Variants in SHPRH observed in about 807,000 individuals in gnomAD.
The protein encoded by SHPRH is SNF2 histone linker PHD RING helicase.
A neutral mutation model predicts 202.5 loss-of-function variants in SHPRH; 106 were observed. The ratio of observed to expected loss-of-function variants is 0.52; its 90% CI spans 0.45 to 0.62. The LOEUF (loss-of-function observed/expected upper bound fraction) is 0.62, where lower values mean the gene tolerates loss of function less well. Among genes scored for constraint, SHPRH ranks in the 20% least tolerant of loss-of-function variants. SHPRH has a pLI of 0.00. For synonymous variants in SHPRH, 729 were observed against 686.0 expected (o/e 1.06, Z -0.98); for missense variants, 1,710 against 2,020.0 (o/e 0.85, Z 2.94).
chr6:145,882,378 G>A (rs1300282733), downstream of SHPRH, among the ~76,000 whole-genome samples: 1 of 152,114 alleles, frequency 6.6e-6, no homozygotes, highest in Non-Finnish European at 1.5e-5. Context: ...ATGGTCAGTT[G>A]CAGAATATAA....
At chr6:145,919,590 T>C (rs1343175045) in intron 21 of SHPRH, 99 bp from the exon 22 acceptor site, 6 of 1,396,618 alleles carry the variant, frequency 4.3e-6, no homozygotes, top group Non-Finnish European at 5.8e-6. Context: ...CAATGAGATC[T>C]TACACTTTTT....
intron 1 of SHPRH, among the ~76,000 whole-genome samples, chr6:145,957,816 CCT>C: frequency 6.6e-6 from 1 of 152,198 alleles, no homozygotes. Context: ...CCTAGTAATC[CCT>C]CTCTTAGGTA....
rs560158671 is a variant in SHPRH at position 145,959,410 on chromosome 6, C to T, written c.-32-4056G>A. Among the ~76,000 whole-genome samples the T allele has an allele frequency of 5.9e-5, 9 of 152,130 alleles. 1 individual carries two copies. In the South Asian group the frequency reaches 8.3e-4, roughly 14 times the overall value. ...GACAACTGCCTACAGTATCCAGTAC[C>T]GAATATACTGTACAGGTTTGTAGCC... On this transcript the variant is annotated intron_variant, in intron 1 of 29. Coordinates refer to ENST00000275233, the MANE Select transcript of SHPRH (RefSeq NM_001042683.3).
At chr6:145,950,594 G>T in intron 3 of SHPRH, 112 bp from the exon 4 acceptor site, 1 of 898,722 alleles carries the variant, frequency 1.1e-6, no homozygotes, top group Non-Finnish European at 1.7e-6. Flanking sequence ...GCCTTGCTCA[G>T]TGTGTTTTGT....
chr6:145,922,438 T>G, intron 19 of SHPRH, 90 bp from the exon 20 acceptor site: 1 of 1,407,692 alleles, frequency 7.1e-7, no homozygotes, highest in Non-Finnish European at 9.6e-7. Flanking sequence ...GACTTCATTT[T>G]TCTTTCCACT....
chr6:145,916,840 T>C (rs1047754868), intron 23 of SHPRH, among the ~76,000 whole-genome samples: 39 of 152,092 alleles, frequency 2.6e-4, no homozygotes, highest in African/African-American at 9.2e-4. Context: ...TGGAGTGCAA[T>C]GGCGCAATCT....
At position 145,955,484 on chromosome 6, in the gene SHPRH, C is replaced by T. The variant is rs573201950; in HGVS notation, c.-32-130G>A. On this transcript the variant is annotated intron_variant, in intron 1 of 29. Transcript: ENST00000275233. ...ATGAAATCTTCTGTGAGATATAAGG[C>T]AATGAGTAATTTTTTTACCAGGTCA... 4.8e-6 allele frequency: 4 copies of T among 831,350 alleles called. No homozygotes were observed. The Admixed American group carries it at 9.8e-5, about 20-fold the overall frequency. The allele number at this position is 831,350 out of a possible 1,614,324, so 51.5% of individuals were successfully genotyped here.
rs1042046848 is a variant in SHPRH at position 145,868,516 on chromosome 6, T to C, written c.222-4025A>G. ...GGGTAGAATTAACTTTTGTTGAATG[T>C]TATTTTTTATTAGGAAGTTTTAATA... is the stretch of plus-strand genomic sequence containing the variant. On this transcript the variant is annotated intron_variant, in intron 2 of 2. Coordinates refer to the SHPRH transcript ENST00000417762. Among the ~76,000 whole-genome samples the C allele has an allele frequency of 2.0e-5, 3 of 152,228 alleles. No individual in the cohort carries two copies. The East Asian group carries it at 5.8e-4, about 29-fold the overall frequency.
chr6:145,959,381 G>C (rs1412789835), intron 1 of SHPRH, among the ~76,000 whole-genome samples: 2 of 152,034 alleles, frequency 1.3e-5, no homozygotes, highest in Non-Finnish European at 2.9e-5. Flanking sequence ...AAATACTACG[G>C]TGTGACAACT....
intron 2 of SHPRH, chr6:145,870,849 T>G (rs1220690804): frequency 6.6e-6 from 1 of 152,218 alleles, no homozygotes; most frequent in Non-Finnish European, 1.5e-5. Context: ...ACTAAGAGTG[T>G]TTATTAAGAA....
At chr6:145,888,143 A>G in intron 28 of SHPRH, 43 bp from the exon 29 acceptor site, 2 of 1,394,392 alleles carry the variant, frequency 1.4e-6, no homozygotes, top group Non-Finnish European at 2.0e-6. Context: ...ACATAGTAAA[A>G]CAAATCAGTA....
intron 11 of SHPRH, 40 bp downstream of exon 11, chr6:145,940,682 CT>C: frequency 6.3e-7 from 1 of 1,596,410 alleles, no homozygotes; most frequent in Non-Finnish European, 8.6e-7. Flanking sequence ...AAAAATGAAG[CT>C]TTTCAAATGC....
chr6:145,933,246 A>G (rs754081307), intron 13 of SHPRH, 68 bp from the exon 14 acceptor site: 5 of 1,608,288 alleles, frequency 3.1e-6, no homozygotes, highest in South Asian at 1.1e-5. Context: ...TGGGAGTGTT[A>G]TATCTCACAT....
At chr6:145,925,857 CAA>C (rs1784830639) in intron 16 of SHPRH, among the ~76,000 whole-genome samples, 1 of 151,866 alleles carries the variant, frequency 6.6e-6, no homozygotes, top group African/African-American at 2.4e-5. Flanking sequence ...GGAGAAAGTG[CAA>C]AAGTTTGTAT....
intron 2 of SHPRH, among the ~76,000 whole-genome samples, chr6:145,866,948 A>T (rs1779806522): frequency 6.6e-6 from 1 of 152,182 alleles, no homozygotes; most frequent in Admixed American, 6.5e-5. Context: ...CTGGTATGCA[A>T]AAATCTTACA....
Position 145,888,109 on chromosome 6 carries a change from T to C in SHPRH, c.4875-9A>G, listed in dbSNP as rs932033540. On this transcript the variant is annotated splice_polypyrimidine_tract_variant and intron_variant, in intron 28 of 29. Transcript: ENST00000275233. Reference sequence around the variant, plus strand: ...TGTGTACAATAGTAGGTCTAAAAGGTACAGAAGAATTTTAAGCTTAAAAAC... The same window carrying C: ...TGTGTACAATAGTAGGTCTAAAAGGCACAGAAGAATTTTAAGCTTAAAAAC... 16 of 1,585,400 alleles carry C rather than the reference T, an allele frequency of 1.0e-5. No individual in the cohort carries two copies. In the African/African-American group the frequency reaches 1.6e-4, roughly 16 times the overall value.
rs1781020677 is a variant in SHPRH, at chr6:145,886,507, G to C, written c.*184C>G. On this transcript the variant is annotated 3_prime_UTR_variant, in exon 30 of 30. Transcript: ENST00000275233. ...ATTAAGAATCTTTATAGATCTTTTGGAAACAGTATATTGAAAAGGACTCAA... is the reference window on the plus strand; with the variant it reads ...ATTAAGAATCTTTATAGATCTTTTGCAAACAGTATATTGAAAAGGACTCAA... 1 of 1,088,304 alleles carries C rather than the reference G, an allele frequency of 9.2e-7. No individual in the cohort carries two copies. The allele number at this position is 1,088,304 out of a possible 1,614,324, so 67.4% of individuals were successfully genotyped here. A position where few individuals can be genotyped will look rare whatever the true frequency, so the allele number is the denominator to read the frequency against.
chr6:145,895,506 T>G lies in SHPRH; in HGVS notation c.4516-529A>C, dbSNP rs535734600. On this transcript the variant is annotated intron_variant, in intron 25 of 29. Transcript: ENST00000275233. ...TGATGCTCACTTAGAATGAGGCAGA[T>G]TCATACAAAGCTAGACACTTAAAAC... Among the ~76,000 whole-genome samples, 3 of 151,310 alleles carry G rather than the reference T, an allele frequency of 2.0e-5. No individual in the cohort carries two copies. In the South Asian group the frequency reaches 6.2e-4, roughly 31 times the overall value.
At chr6:145,905,565 C>T (rs1408539787) in intron 25 of SHPRH, 3 of 152,072 alleles carry the variant, frequency 2.0e-5, no homozygotes, top group Admixed American at 6.6e-5. Context: ...CACACATCCT[C>T]CTGTATACTT....
Sources: allele counts gnomAD v4.1 joint callset (sites outside exome capture counted in the v4.1 genomes callset), GRCh38; gene constraint gnomAD v4.1.1; transcripts MANE v1.5; gene names NCBI Gene and HGNC (gene_info 2026-07-23, HGNC 2026-07-21).